CDC42BPA: variants seen among roughly 807,000 people sequenced by gnomAD.
The protein encoded by CDC42BPA is CDC42 binding protein kinase alpha.
Under a neutral mutation model 223.5 loss-of-function variants are expected in CDC42BPA, and 80 were observed. That is an observed-to-expected ratio of 0.36 (90% CI 0.30 to 0.43). The LOEUF (loss-of-function observed/expected upper bound fraction) is 0.43. Among genes scored for constraint, CDC42BPA ranks in the 20% least tolerant of loss-of-function variants. CDC42BPA has a pLI of 1.00. For synonymous variants in CDC42BPA, 694 were observed against 718.6 expected, an observed-to-expected ratio of 0.97 and a Z score of 0.55; for missense variants, 1,743 against 2,099.9, an observed-to-expected ratio of 0.83 and a Z score of 3.32.
In CDC42BPA at chr1:227,268,652, G is replaced by GTA. The variant is rs774492052; in HGVS notation, c.179-14499_179-14498dup. Among the ~76,000 whole-genome samples the GTA allele has an allele frequency of 3.6e-3, 504 of 138,674 alleles. 4 individuals carry two copies. Among genetic ancestry groups the GTA allele is most frequent in the African/African-American group, 0.013 (450 of 33,548 alleles). 91.0% of individuals were successfully genotyped at this position (138,674 alleles called of 152,430 possible). ...GTATGTGTATATATATAGTGTGTGT[G>GTA]TATATATATATATACATATATATAT... is the stretch of plus-strand genomic sequence containing the variant. On this transcript the variant is annotated intron_variant, in intron 1 of 36. Coordinates refer to ENST00000366766, the MANE Select transcript of CDC42BPA (RefSeq NM_001394014.1).
intron 21 of CDC42BPA, among the ~76,000 whole-genome samples, chr1:227,056,322 TA>T (rs1244319808): frequency 6.6e-6 from 1 of 152,118 alleles, no homozygotes; most frequent in Non-Finnish European, 1.5e-5. Context: ...AGCTTGCATC[TA>T]ACAAGTTGTT....
At position 227,317,984 on chromosome 1, in the gene CDC42BPA, G is replaced by T; in HGVS notation, c.-802C>A. 1 of 392,664 alleles carries T rather than the reference G, an allele frequency of 2.5e-6. No homozygotes were observed. Among genetic ancestry groups the T allele is most frequent in the South Asian group, 1.3e-4 (1 of 7,676 alleles). 24.3% of individuals were successfully genotyped at this position (392,664 alleles called of 1,614,324 possible). On this transcript the variant is annotated 5_prime_UTR_variant, in exon 1 of 37. Transcript: ENST00000366766. The stretch of plus-strand genomic sequence containing the variant: ...CGGCCGGGGGTGGAAGGCGGGCTGC[G>T]GGCGGCACTGGCACCGGGCTCCGGA...
intron 5 of CDC42BPA, among the ~76,000 whole-genome samples, chr1:227,161,833 A>G (rs1428635312): frequency 6.6e-6 from 1 of 152,172 alleles, no homozygotes; most frequent in Non-Finnish European, 1.5e-5. Context: ...AAGTTTTCAA[A>G]CCCCTATTGT....
intron 18 of CDC42BPA, 60 bp downstream of exon 18, chr1:227,074,199 G>T: frequency 7.1e-7 from 1 of 1,415,910 alleles, no homozygotes; most frequent in Non-Finnish European, 9.8e-7. Flanking sequence ...TTATTATAGT[G>T]TTTTTTAAAT....
intron 5 of CDC42BPA, among the ~76,000 whole-genome samples, chr1:227,190,356 G>A (rs1014854575): frequency 6.6e-6 from 1 of 152,132 alleles, no homozygotes; most frequent in Non-Finnish European, 1.5e-5. Context: ...CTATAAAATG[G>A]GGCAACGTCG....
At position 226,991,620 on chromosome 1, in the gene CDC42BPA, G is replaced by C. The variant is rs916387214; in HGVS notation, c.*2648C>G. ...GCCATTGCAGTGGAAAAATCAAAGA[G>C]TGCCATGGTGCAATCCATGGGGTGA... On this transcript the variant is annotated 3_prime_UTR_variant, in exon 37 of 37. Transcript: ENST00000366766. The C allele has an allele frequency of 3.3e-5, 5 of 152,122 alleles. No homozygotes were observed. Among genetic ancestry groups the C allele is most frequent in the African/African-American group, 4.8e-5 (2 of 41,414 alleles). 9.4% of individuals were successfully genotyped at this position (152,122 alleles called of 1,614,324 possible). A position where few individuals can be genotyped will look rare whatever the true frequency, so the allele number is the denominator to read the frequency against.
In CDC42BPA at chr1:227,028,757, T is replaced by C. The variant is rs746760484; in HGVS notation, c.4332A>G (p.Glu1444=). 1.2e-6 allele frequency: 2 copies of C among 1,613,994 alleles called. No homozygotes were observed. The highest frequency in any genetic ancestry group is 1.3e-5 in the African/African-American group (1 of 74,928). ...CAATGCTGTTAAAACACAGCAGATA[T>C]TCTTTACTGGAGATCTCAACTGCGC... is the stretch of plus-strand genomic sequence containing the variant. ...AICAVEISSK[E]YLLCFNSIGI... Residue 1444 remains glutamate (E), a synonymous_variant, in exon 30 of 37, where the codon GAA becomes GAG. Coordinates refer to ENST00000366766, the MANE Select transcript of CDC42BPA (RefSeq NM_001394014.1).
At chr1:227,302,114 T>C (rs1306681657) in intron 1 of CDC42BPA, among the ~76,000 whole-genome samples, 1 of 152,198 alleles carries the variant, frequency 6.6e-6, no homozygotes, top group Non-Finnish European at 1.5e-5. Flanking sequence ...GTATTCTCCC[T>C]TCATTACAGT....
intron 10 of CDC42BPA, among the ~76,000 whole-genome samples, chr1:227,132,202 G>C (rs3122333): frequency 0.63 from 95,538 of 151,356 alleles, 30,311 homozygotes; most frequent in East Asian, 0.72. Context: ...CAAAGCTGGA[G>C]AGTACTGCTA....
chr1:227,240,965 T>C (rs1325231792), intron 2 of CDC42BPA, among the ~76,000 whole-genome samples: 1 of 151,936 alleles, frequency 6.6e-6, no homozygotes, highest in Non-Finnish European at 1.5e-5. Context: ...TCTGAGAAAA[T>C]ATTGCTAAAA....
At chr1:227,149,651 C>T (rs1376659336) in intron 6 of CDC42BPA, among the ~76,000 whole-genome samples, 1 of 152,000 alleles carries the variant, frequency 6.6e-6, no homozygotes, top group Non-Finnish European at 1.5e-5. Context: ...ATAAAATAAA[C>T]GTAATAAATA....
chr1:227,099,244 A>T (rs1196930008), intron 15 of CDC42BPA, among the ~76,000 whole-genome samples: 2 of 151,922 alleles, frequency 1.3e-5, no homozygotes, highest in Non-Finnish European at 2.9e-5. Context: ...TCTACTTAAT[A>T]TTTTTTTAAA....
intron 2 of CDC42BPA, among the ~76,000 whole-genome samples, chr1:227,214,982 G>T (rs898094007): frequency 6.6e-6 from 1 of 152,026 alleles, no homozygotes; most frequent in Admixed American, 6.6e-5. Flanking sequence ...TAACTCATTT[G>T]GCAGCATGTA....
At chr1:227,148,772 C>CAAAAAAAAAAAAA (rs57635319) in intron 6 of CDC42BPA, among the ~76,000 whole-genome samples, 7 of 78,788 alleles carry the variant, frequency 8.9e-5, no homozygotes, top group African/African-American at 1.1e-4. Flanking sequence ...GTCTCAAAAG[C>CAAAAAAAAAAAAA]AAAAAAAAAA....
At chr1:227,228,877 G>C (rs948836761) in intron 2 of CDC42BPA, among the ~76,000 whole-genome samples, 1 of 152,098 alleles carries the variant, frequency 6.6e-6, no homozygotes, top group African/African-American at 2.4e-5. Flanking sequence ...ATTAGGTTGT[G>C]CTTTTATTGC....
intron 4 of CDC42BPA, among the ~76,000 whole-genome samples, chr1:227,195,101 C>T (rs1572269721): frequency 6.6e-6 from 1 of 152,142 alleles, no homozygotes; most frequent in South Asian, 2.1e-4. Context: ...AAACTAATTT[C>T]GCATATTTAA....
At chr1:227,177,724 T>C (rs1235091442) in intron 5 of CDC42BPA, among the ~76,000 whole-genome samples, 3 of 152,176 alleles carry the variant, frequency 2.0e-5, no homozygotes, top group Non-Finnish European at 4.4e-5. Context: ...CATGGGAAGT[T>C]TGGAGCTATT....
At chr1:227,004,668 T>G (rs1278348305) in intron 35 of CDC42BPA, 1 of 332,558 alleles carries the variant, frequency 3.0e-6, no homozygotes, top group African/African-American at 2.1e-5. Flanking sequence ...TTCTGCCAAG[T>G]AGGGATTCAT....
intron 21 of CDC42BPA, among the ~76,000 whole-genome samples, chr1:227,057,677 C>A (rs1674873843): frequency 6.6e-6 from 1 of 152,124 alleles, no homozygotes; most frequent in Non-Finnish European, 1.5e-5. Context: ...AAGCAGATAA[C>A]CAAGCCTATT....
Sources: allele counts gnomAD v4.1 joint callset (sites outside exome capture counted in the v4.1 genomes callset), GRCh38; gene constraint gnomAD v4.1.1; transcripts MANE v1.5; gene names NCBI Gene and HGNC (gene_info 2026-07-23, HGNC 2026-07-21).